PLCB1: variants seen among roughly 807,000 people sequenced by gnomAD.
PLCB1 encodes 1-phosphatidylinositol 4,5-bisphosphate phosphodiesterase beta-1.
PLCB1 carries 46 observed loss-of-function variants against 161.8 expected under a neutral mutation model. That is an observed-to-expected ratio of 0.28 (90% CI 0.22 to 0.36). The LOEUF (loss-of-function observed/expected upper bound fraction) is 0.36, where lower values mean the gene tolerates loss of function less well. Ranked by LOEUF, PLCB1 falls within the 10% of genes least tolerant of loss-of-function variation. The probability of loss-of-function intolerance (pLI) is 1.00; values close to 1 mark genes in which losing one functional copy is unlikely to be tolerated. For synonymous variants in PLCB1, 517 were observed against 503.7 expected, an observed-to-expected ratio of 1.03 and a Z score of -0.35; for missense variants, 1,016 against 1,472.5, an observed-to-expected ratio of 0.69 and a Z score of 5.07.
At chr20:8,817,574 T>G (rs942000769) in intron 31 of PLCB1, among the ~76,000 whole-genome samples, 2 of 152,140 alleles carry the variant, frequency 1.3e-5, no homozygotes, top group East Asian at 3.9e-4. Flanking sequence ...ACAAAGAGAT[T>G]TAATTTAAAT....
chr20:8,703,961 G>A (rs1978515873), intron 11 of PLCB1, among the ~76,000 whole-genome samples: 1 of 152,180 alleles, frequency 6.6e-6, no homozygotes, highest in African/African-American at 2.4e-5. Flanking sequence ...ACTCTCCTTG[G>A]CCGAAATACC....
At chr20:8,731,228 A>G (rs115796598) in intron 18 of PLCB1, among the ~76,000 whole-genome samples, 1,785 of 152,074 alleles carry the variant, frequency 0.012, 40 homozygotes, top group African/African-American at 0.04. Flanking sequence ...ATAGCTGTAC[A>G]AACGTTTGCA....
chr20:8,367,282 ATGAG>A (rs1407945279), intron 2 of PLCB1, among the ~76,000 whole-genome samples: 1 of 152,222 alleles, frequency 6.6e-6, no homozygotes, highest in Non-Finnish European at 1.5e-5. Context: ...TTATAACAAC[ATGAG>A]TGAGTATATA....
chr20:8,202,853 G>T (rs1978331053), intron 2 of PLCB1, among the ~76,000 whole-genome samples: 1 of 152,118 alleles, frequency 6.6e-6, no homozygotes, highest in Non-Finnish European at 1.5e-5. Flanking sequence ...GGGACTTGAG[G>T]GTGAATGTGG....
At chr20:8,751,633 T>A (rs1373729858) in intron 23 of PLCB1, 1 of 152,222 alleles carries the variant, frequency 6.6e-6, no homozygotes, top group Non-Finnish European at 1.5e-5. Flanking sequence ...GATATTGCAA[T>A]GATTGCATTT....
At chr20:8,634,398 T>C (rs1010720250) in intron 4 of PLCB1, among the ~76,000 whole-genome samples, 1 of 152,208 alleles carries the variant, frequency 6.6e-6, no homozygotes, top group African/African-American at 2.4e-5. Context: ...ATTTCAAGGA[T>C]ATGAGTGAGA....
At chr20:8,140,649 T>A (rs889653153) in intron 1 of PLCB1, among the ~76,000 whole-genome samples, 2 of 152,178 alleles carry the variant, frequency 1.3e-5, no homozygotes, top group Non-Finnish European at 2.9e-5. Flanking sequence ...CTAGTGATTG[T>A]GATTTGTCGA....
intron 2 of PLCB1, among the ~76,000 whole-genome samples, chr20:8,289,282 G>A (rs1983273121): frequency 6.6e-6 from 1 of 152,184 alleles, no homozygotes; most frequent in Non-Finnish European, 1.5e-5. Flanking sequence ...CTAAAGCAGT[G>A]CTTCTCAGGC....
chr20:8,564,031 T>C (rs1986240610), intron 3 of PLCB1, among the ~76,000 whole-genome samples: 1 of 152,110 alleles, frequency 6.6e-6, no homozygotes, highest in Non-Finnish European at 1.5e-5. Flanking sequence ...AGAGCCCACG[T>C]AGCCAAGACA....
chr20:8,808,803 G>T (rs1984667396), intron 31 of PLCB1, among the ~76,000 whole-genome samples: 1 of 152,128 alleles, frequency 6.6e-6, no homozygotes, highest in African/African-American at 2.4e-5. Context: ...CCAGTGGTGA[G>T]CTGGAGCTTA....
chr20:8,337,973 T>C (rs1985648931), intron 2 of PLCB1, among the ~76,000 whole-genome samples: 1 of 152,122 alleles, frequency 6.6e-6, no homozygotes, highest in African/African-American at 2.4e-5. Flanking sequence ...ATTATGACCA[T>C]TGCTGGAGAC....
intron 4 of PLCB1, among the ~76,000 whole-genome samples, chr20:8,629,849 C>CTTTCTT (rs1988487902): frequency 1.1e-5 from 1 of 93,748 alleles, no homozygotes. Context: ...TTCTTTCTTT[C>CTTTCTT]TTTCTTTCTT....
chr20:8,170,970 T>C (rs1465686531), intron 2 of PLCB1, among the ~76,000 whole-genome samples: 3 of 152,212 alleles, frequency 2.0e-5, no homozygotes, highest in Non-Finnish European at 4.4e-5. Context: ...TATTCTAATT[T>C]AGATCTGATT....
chr20:8,420,477 A>G lies in PLCB1; in HGVS notation c.246+49027A>G, dbSNP rs951133665. Among the ~76,000 whole-genome samples the G allele has an allele frequency of 4.6e-5, 7 of 152,294 alleles. 1 individual carries two copies. Reference sequence around the variant, plus strand: ...TGACGTTTAGGTTTCTAATAATCCCATGGCCCAGATAGTGAACACAGAGCC... The same window carrying G: ...TGACGTTTAGGTTTCTAATAATCCCGTGGCCCAGATAGTGAACACAGAGCC... On this transcript the variant is annotated intron_variant, in intron 3 of 31. Coordinates refer to ENST00000338037, the MANE Select transcript of PLCB1 (RefSeq NM_015192.4).
At chr20:8,276,983 C>CA (rs1982601331) in intron 2 of PLCB1, among the ~76,000 whole-genome samples, 1 of 99,238 alleles carries the variant, frequency 1.0e-5, no homozygotes, top group African/African-American at 4.1e-5. Flanking sequence ...TCTTCTTCTT[C>CA]TTCTTATTAT....
rs116456415 is a variant in PLCB1, at chr20:8,589,097, A to G, written c.247-39197A>G. ...AGGCTCCAAGAGCAGGTGGCATTTG[A>G]GCTAGGCCAGGTTAATTCCCATCAC... On this transcript the variant is annotated intron_variant, in intron 3 of 31. Transcript: ENST00000338037. Among the ~76,000 whole-genome samples the G allele has an allele frequency of 5.6e-3, 858 of 152,300 alleles. 10 individuals carry two copies. Among genetic ancestry groups the G allele is most frequent in the African/African-American group, 0.02 (826 of 41,564 alleles).
chr20:8,132,729 C>A lies in PLCB1; in HGVS notation c.78C>A (p.Thr26=), dbSNP rs553711213. ...TGTCCGACAGCCTCAAGAAGGGCAC[C>A]AAATTCGTCAAGTGGGATGATGTAA... The part of the protein sequence containing the change: ...VCVSDSLKKG[T]KFVKWDDDST... Residue 26 remains threonine, a synonymous_variant, in exon 1 of 32, where the codon ACC becomes ACA. Coordinates refer to ENST00000338037, the MANE Select transcript of PLCB1 (RefSeq NM_015192.4). This position sits in a 1 kb window ranked among gnomAD's most constrained non-coding sequence, Gnocchi z 5.2. 1.1e-5 allele frequency: 18 copies of A among 1,611,958 alleles called. No homozygotes were observed. In the South Asian group the frequency reaches 1.8e-4, roughly 16 times the overall value.
chr20:8,375,822 G>C (rs918364273), intron 3 of PLCB1, among the ~76,000 whole-genome samples: 4 of 151,496 alleles, frequency 2.6e-5, no homozygotes, highest in Non-Finnish European at 1.5e-5. Flanking sequence ...CTTGATTCCA[G>C]CTTTTAAATT....
Position 8,793,683 on chromosome 20 carries a change from C to G in PLCB1, c.3423+3422C>G, listed in dbSNP as rs925824192. On this transcript the variant is annotated intron_variant, in intron 31 of 31. Coordinates refer to ENST00000338037, the MANE Select transcript of PLCB1 (RefSeq NM_015192.4). The stretch of plus-strand genomic sequence containing the variant: ...AAGGCAAGTGGAGGCAGGGCGAGAT[C>G]ACAGGACCACAGGACCACAGGACCG... Among the ~76,000 whole-genome samples the G allele has an allele frequency of 8.7e-4, 133 of 152,248 alleles. 1 individual carries two copies. The highest frequency in any genetic ancestry group is 3.7e-4 in the Non-Finnish European group (25 of 68,006).
Sources: allele counts gnomAD v4.1 joint callset (sites outside exome capture counted in the v4.1 genomes callset), GRCh38; gene constraint gnomAD v4.1.1; non-coding constraint Gnocchi (gnomAD v3.1); transcripts MANE v1.5; gene names NCBI Gene and HGNC (gene_info 2026-07-23, HGNC 2026-07-21).